Variants in VWA3B observed in about 807,000 individuals in gnomAD.
VWA3B encodes the protein von Willebrand factor A domain-containing protein 3B.
VWA3B carries 138 observed loss-of-function variants against 158.3 expected under a neutral mutation model. The ratio of observed to expected loss-of-function variants is 0.87; its 90% CI spans 0.76 to 1.00. The LOEUF is 1.00. Among genes scored for constraint, VWA3B ranks in the 50% least tolerant of loss-of-function variants. The pLI is 0.00. For synonymous variants in VWA3B, 596 were observed against 587.3 expected (o/e 1.01, Z -0.21); for missense variants, 1,555 against 1,565.1 (o/e 0.99, Z 0.11).
intron 12 of VWA3B, among the ~76,000 whole-genome samples, chr2:98,201,460 C>T (rs1244794963): frequency 1.3e-5 from 2 of 152,040 alleles, no homozygotes; most frequent in South Asian, 2.1e-4. Flanking sequence ...CTATCCAACC[C>T]GTATAGTGTT....
chr2:98,110,180 A>G (rs1674031962), intron 2 of VWA3B, among the ~76,000 whole-genome samples: 1 of 150,834 alleles, frequency 6.6e-6, no homozygotes, highest in African/African-American at 2.4e-5. Flanking sequence ...ATAATCCTAC[A>G]TATCTGTAAG....
chr2:98,298,405 T>C (rs1042116826), intron 24 of VWA3B, among the ~76,000 whole-genome samples: 5 of 150,142 alleles, frequency 3.3e-5, no homozygotes, highest in Non-Finnish European at 5.9e-5. Context: ...TTCTATTCTA[T>C]TCTATTCTAT....
rs1674821972 is a variant in VWA3B at position 98,119,855 on chromosome 2, C to T, written c.542+92C>T. 8.3e-6 allele frequency: 12 copies of T among 1,446,430 alleles called. 1 individual carries two copies. The highest frequency in any genetic ancestry group is 2.1e-4 in the Middle Eastern group (1 of 4,752). The allele number at this position is 1,446,430 out of a possible 1,614,324, so 89.6% of individuals were successfully genotyped here. ...AGTAGCACAGCTGACACAGTTAGCTCTCTGGTGAGGGAAGAGGCATTATCT... is the reference window on the plus strand; with the variant it reads ...AGTAGCACAGCTGACACAGTTAGCTTTCTGGTGAGGGAAGAGGCATTATCT... On this transcript the variant is annotated intron_variant, in intron 4 of 27. Coordinates refer to ENST00000477737, the MANE Select transcript of VWA3B (RefSeq NM_144992.5).
intron 8 of VWA3B, among the ~76,000 whole-genome samples, chr2:98,179,577 C>T (rs1385478971): frequency 6.6e-6 from 1 of 152,160 alleles, no homozygotes; most frequent in Non-Finnish European, 1.5e-5. Flanking sequence ...TTGATCGCCT[C>T]CACCTCATCA....
At chr2:98,092,660 A>AAAC (rs1374587981) in intron 1 of VWA3B, among the ~76,000 whole-genome samples, 10 of 151,636 alleles carry the variant, frequency 6.6e-5, no homozygotes, top group East Asian at 1.9e-4. Context: ...AATGAACAAA[A>AAAC]AACAACAACA....
chr2:98,134,491 G>A (rs1676114686), intron 7 of VWA3B, among the ~76,000 whole-genome samples: 1 of 152,168 alleles, frequency 6.6e-6, no homozygotes, highest in Admixed American at 6.5e-5. Context: ...CGGGAAATAG[G>A]CTGTGATTCA....
At chr2:98,263,793 A>G (rs1185398313) in intron 21 of VWA3B, among the ~76,000 whole-genome samples, 2 of 151,946 alleles carry the variant, frequency 1.3e-5, no homozygotes, top group Non-Finnish European at 2.9e-5. Context: ...CAATCTTTTG[A>G]AAGAGGTTTG....
chr2:98,144,292 T>C (rs970027577), intron 7 of VWA3B, among the ~76,000 whole-genome samples: 1 of 152,198 alleles, frequency 6.6e-6, no homozygotes, highest in Non-Finnish European at 1.5e-5. Flanking sequence ...CATCATCATT[T>C]GCAGTTACCC....
chr2:98,203,630 C>T (rs1167431113), intron 12 of VWA3B, among the ~76,000 whole-genome samples: 1 of 152,212 alleles, frequency 6.6e-6, no homozygotes. Flanking sequence ...TTTCAGCATG[C>T]AGCTCTTGTA....
chr2:98,123,427 G>A (rs1675120140), intron 5 of VWA3B, among the ~76,000 whole-genome samples: 1 of 152,220 alleles, frequency 6.6e-6, no homozygotes, highest in Non-Finnish European at 1.5e-5. Flanking sequence ...TCATGGAGAA[G>A]GAAGATGCCC....
At chr2:98,120,919 T>A (rs1443703300) in intron 4 of VWA3B, among the ~76,000 whole-genome samples, 1 of 152,234 alleles carries the variant, frequency 6.6e-6, no homozygotes, top group Non-Finnish European at 1.5e-5. Context: ...TGCTGGTGAT[T>A]TGCAAACCTT....
chr2:98,187,509 A>G (rs1462127569), intron 9 of VWA3B, among the ~76,000 whole-genome samples: 1 of 151,962 alleles, frequency 6.6e-6, no homozygotes, highest in Non-Finnish European at 1.5e-5. Flanking sequence ...CTCCTCCAGA[A>G]TGGTCTCGCT....
In VWA3B at chr2:98,128,176, A is replaced by T; in HGVS notation, c.703-63A>T. On this transcript the variant is annotated intron_variant, in intron 5 of 27. Coordinates refer to ENST00000477737, the MANE Select transcript of VWA3B (RefSeq NM_144992.5). ...TCGTTTTGTAGAATGGGTATTACTG[A>T]TGAGACTAGTACCAAGCTAGGGCAT... 1.9e-6 allele frequency: 3 copies of T among 1,571,696 alleles called. No homozygotes were observed. The South Asian group carries it at 3.5e-5, about 18-fold the overall frequency.
Position 98,125,072 on chromosome 2 carries a change from C to T in VWA3B, c.703-3167C>T, listed in dbSNP as rs1399769915. Among the ~76,000 whole-genome samples the T allele has an allele frequency of 6.6e-6, 1 of 152,232 alleles. No homozygotes were observed. Among genetic ancestry groups the T allele is most frequent in the Non-Finnish European group, 1.5e-5 (1 of 68,054 alleles). ...GGAAATGTGGTCGGTGAGGAAGCTACTCCTGGACTGAAGGCTGCTACTGAG... is the reference window on the plus strand; with the variant it reads ...GGAAATGTGGTCGGTGAGGAAGCTATTCCTGGACTGAAGGCTGCTACTGAG... On this transcript the variant is annotated intron_variant, in intron 5 of 27. Transcript: ENST00000477737. This position sits in a 1 kb window ranked among gnomAD's most constrained non-coding sequence, Gnocchi z 4.1.
chr2:98,199,793 G>A (rs1013926505), intron 12 of VWA3B, among the ~76,000 whole-genome samples: 1 of 152,176 alleles, frequency 6.6e-6, no homozygotes, highest in African/African-American at 2.4e-5. Context: ...TGCAAGATAT[G>A]TAGAAATACA....
rs1182818776 is a variant in VWA3B at position 98,305,286 on chromosome 2, C to A, written c.3521+1484C>A. Among the ~76,000 whole-genome samples, 3 of 152,326 alleles carry A rather than the reference C, an allele frequency of 2.0e-5. 1 individual carries two copies. In the South Asian group the frequency reaches 6.2e-4, roughly 32 times the overall value. On this transcript the variant is annotated intron_variant, in intron 26 of 27. Coordinates refer to ENST00000477737, the MANE Select transcript of VWA3B (RefSeq NM_144992.5). ...GTGCTTGTGTGTCACAGTCAGACTC[C>A]GAGAGTGGGCCTGGAGGCAGGTTTT...
chr2:98,180,359 T>G (rs1157409581), intron 8 of VWA3B, among the ~76,000 whole-genome samples: 1 of 152,140 alleles, frequency 6.6e-6, no homozygotes, highest in East Asian at 1.9e-4. Context: ...ACCTGGCTAA[T>G]TTTTGTATTT....
At chr2:98,087,797 A>G (rs756742973) in intron 1 of VWA3B, among the ~76,000 whole-genome samples, 6 of 152,232 alleles carry the variant, frequency 3.9e-5, no homozygotes, top group Non-Finnish European at 8.8e-5. Flanking sequence ...CAACACTTAC[A>G]TGGTTTCACA....
intron 7 of VWA3B, among the ~76,000 whole-genome samples, chr2:98,139,691 C>G (rs1217676869): frequency 6.6e-6 from 1 of 151,896 alleles, no homozygotes; most frequent in Admixed American, 6.6e-5. Context: ...CTAGTGGGGA[C>G]GTGGAGAACC....
Sources: gnomAD v4.1 joint callset for allele counts (sites outside exome capture counted in the v4.1 genomes callset) on GRCh38, gnomAD v4.1.1 for gene constraint, Gnocchi (gnomAD v3.1) non-coding constraint, MANE v1.5 for transcripts, NCBI Gene and HGNC (gene_info 2026-07-23, HGNC 2026-07-21) for gene names.